SMURF2: variants seen among roughly 807,000 people sequenced by gnomAD.
SMURF2 encodes SMAD specific E3 ubiquitin protein ligase 2, also known as E3 ubiquitin-protein ligase SMURF2.
In SMURF2, 48 loss-of-function variants were observed where a neutral mutation model predicts 109.6. That is an observed-to-expected ratio of 0.44 (90% CI 0.35 to 0.56). The LOEUF is 0.56. Among genes scored for constraint, SMURF2 ranks in the 20% least tolerant of loss-of-function variants. The probability of loss-of-function intolerance (pLI) is 0.01; values close to 1 mark genes in which losing one functional copy is unlikely to be tolerated. For synonymous variants in SMURF2, 288 were observed against 317.1 expected (o/e 0.91, Z 0.97); for missense variants, 575 against 909.0 (o/e 0.63, Z 4.72).
rs376274266 is a variant in SMURF2 at position 64,586,215 on chromosome 17, G to T, written c.401-45C>A. On this transcript the variant is annotated intron_variant, in intron 5 of 18. Coordinates refer to ENST00000262435, the MANE Select transcript of SMURF2 (RefSeq NM_022739.4). ...TTACTAAGATTCATACAACTAGAAA[G>T]AACTATTATAATCTAAAATTTCTAT... 3.9e-3 allele frequency: 5,019 copies of T among 1,286,328 alleles called. 9 individuals are homozygous for T. Among genetic ancestry groups the T allele is most frequent in the Non-Finnish European group, 5.0e-3 (4,563 of 909,636 alleles). 79.7% of individuals were successfully genotyped at this position (1,286,328 alleles called of 1,614,324 possible).
chr17:64,631,437 G>C (rs184977330), intron 1 of SMURF2, among the ~76,000 whole-genome samples: 19 of 152,002 alleles, frequency 1.2e-4, no homozygotes, highest in African/African-American at 4.6e-4. Context: ...GAAGGAAATG[G>C]GCTAAGAAAG....
In SMURF2 at chr17:64,621,508, G is replaced by A. The variant is rs184321567; in HGVS notation, c.53-14868C>T. Among the ~76,000 whole-genome samples, 385 of 149,824 alleles carry A rather than the reference G, an allele frequency of 2.6e-3. 1 individual carries two copies. The highest frequency in any genetic ancestry group is 9.2e-3 in the African/African-American group (374 of 40,632). Reference sequence around the variant, plus strand: ...GGCAGGAGAATCGCTTGAATCCAGGGGGCAGAGGTTGCTGTGAGCCGAGAT... The same window carrying A: ...GGCAGGAGAATCGCTTGAATCCAGGAGGCAGAGGTTGCTGTGAGCCGAGAT... On this transcript the variant is annotated intron_variant, in intron 1 of 18. Coordinates refer to ENST00000262435, the MANE Select transcript of SMURF2 (RefSeq NM_022739.4).
intron 14 of SMURF2, among the ~76,000 whole-genome samples, chr17:64,555,206 G>A (rs1969101511): frequency 6.6e-6 from 1 of 152,158 alleles, no homozygotes; most frequent in South Asian, 2.1e-4. Flanking sequence ...CCTGAGTAAT[G>A]AGAAAGAGCC....
Position 64,562,950 on chromosome 17 carries a change from T to C in SMURF2, c.1033A>G (p.Lys345Glu). 1 of 1,613,500 alleles carries C rather than the reference T, an allele frequency of 6.2e-7. No individual in the cohort carries two copies. Among genetic ancestry groups the C allele is most frequent in the Non-Finnish European group, 8.5e-7 (1 of 1,179,664 alleles). ...ACCACTTGCTGTTGCTGTTGGTCTTTCAATTGGTTCTGCCGACTAGAAGTA... is the reference window on the plus strand; with the variant it reads ...ACCACTTGCTGTTGCTGTTGGTCTTCCAATTGGTTCTGCCGACTAGAAGTA... Reference protein sequence around the residue: ...HLVLNRQNQLKDQQQQQVVSL... With the variant: ...HLVLNRQNQLEDQQQQQVVSL... The change falls in exon 11 of 19, where the codon AAA becomes GAA. Residue 345 changes from lysine to glutamate, a missense_variant. Lys to Glu is a moderately conservative substitution (Grantham distance 56). This residue lies in a region of SMURF2 where 361 missense variants were observed against 612.1 expected (regional missense o/e 0.59). Coordinates refer to ENST00000262435, the MANE Select transcript of SMURF2 (RefSeq NM_022739.4).
At chr17:64,595,226 G>A (rs1361322959) in intron 3 of SMURF2, among the ~76,000 whole-genome samples, 3 of 152,046 alleles carry the variant, frequency 2.0e-5, no homozygotes. Context: ...TAGACCTTCT[G>A]GAAGATAGCC....
intron 1 of SMURF2, among the ~76,000 whole-genome samples, chr17:64,614,183 C>G (rs1234024758): frequency 6.6e-6 from 1 of 152,094 alleles, no homozygotes; most frequent in African/African-American, 2.4e-5. Context: ...CTGGCCTAGA[C>G]AGCAATCAGT....
intron 1 of SMURF2, among the ~76,000 whole-genome samples, chr17:64,623,873 T>C (rs924341555): frequency 6.6e-6 from 1 of 152,224 alleles, no homozygotes; most frequent in Admixed American, 6.5e-5. Flanking sequence ...CAATATTCCT[T>C]GACAAATCTA....
At position 64,618,931 on chromosome 17, in the gene SMURF2, G is replaced by A. The variant is rs148754216; in HGVS notation, c.53-12291C>T. Among the ~76,000 whole-genome samples the A allele has an allele frequency of 3.4e-3, 518 of 152,242 alleles. 1 individual carries two copies. Among genetic ancestry groups the A allele is most frequent in the African/African-American group, 0.012 (497 of 41,528 alleles). On this transcript the variant is annotated intron_variant, in intron 1 of 18. Transcript: ENST00000262435. ...CAGAATGCATGGGTTTGAACCTGGT[G>A]CTATCCCTTATGAACTTGTGACCCT...
Position 64,598,474 on chromosome 17 carries a change from A to G in SMURF2, c.108T>C (p.Phe36=), listed in dbSNP as rs1156692159. The part of the protein sequence containing the change: ...KKDFFRLPDP[F]AKVVVDGSGQ... ...CAGATCCATCAACCACCACCTTAGC[A>G]AATGGATCAGGAAGTCCTGTGAAAA... The change falls in exon 3 of 19, where the codon TTT becomes TTC. Residue 36 remains phenylalanine, a synonymous_variant. Coordinates refer to ENST00000262435, the MANE Select transcript of SMURF2 (RefSeq NM_022739.4). 3 of 1,607,928 alleles carry G rather than the reference A, an allele frequency of 1.9e-6. No homozygotes were observed. The African/African-American group carries it at 4.0e-5, about 21-fold the overall frequency.
intron 3 of SMURF2, among the ~76,000 whole-genome samples, chr17:64,594,577 T>C (rs1969792131): frequency 6.6e-6 from 1 of 152,218 alleles, no homozygotes; most frequent in African/African-American, 2.4e-5. Flanking sequence ...AGTATGCATG[T>C]ACCAATTTTC....
At chr17:64,584,355 T>C (rs1231882730) in intron 6 of SMURF2, among the ~76,000 whole-genome samples, 1 of 143,920 alleles carries the variant, frequency 6.9e-6, no homozygotes, top group Non-Finnish European at 1.5e-5. Context: ...TACTTTCTTT[T>C]TTTTTCTTTT....
At chr17:64,563,403 C>T (rs1969254020) in intron 10 of SMURF2, among the ~76,000 whole-genome samples, 1 of 152,132 alleles carries the variant, frequency 6.6e-6, no homozygotes, top group Admixed American at 6.5e-5. Flanking sequence ...AATATTATAC[C>T]TAAAACATAT....
intron 1 of SMURF2, among the ~76,000 whole-genome samples, chr17:64,621,397 T>C (rs996900847): frequency 1.3e-5 from 2 of 151,354 alleles, no homozygotes; most frequent in South Asian, 4.2e-4. Context: ...CTGGCCGACA[T>C]GGCAAAATCC....
chr17:64,593,217 TAA>T (rs1463526620), intron 4 of SMURF2: 4 of 237,660 alleles, frequency 1.7e-5, no homozygotes, highest in Non-Finnish European at 3.1e-5. Context: ...CTTTTTTTTT[TAA>T]GTCTACAAAA....
chr17:64,583,662 CA>C, intron 6 of SMURF2, 118 bp from the exon 7 acceptor site: 5 of 687,888 alleles, frequency 7.3e-6, no homozygotes, highest in Non-Finnish European at 1.3e-5. Flanking sequence ...AGTATCAATT[CA>C]CAGAATATAT....
Position 64,650,733 on chromosome 17 carries a change from G to A in SMURF2, c.52+11096C>T, listed in dbSNP as rs191699467. The stretch of plus-strand genomic sequence containing the variant: ...TAATCCCAGCTACTGGGGAGGCTGA[G>A]GCAGGAGAATTGCTTGAACCTGAGA... On this transcript the variant is annotated intron_variant, in intron 1 of 18. Transcript: ENST00000262435. Among the ~76,000 whole-genome samples the A allele has an allele frequency of 2.7e-3, 411 of 152,142 alleles. 4 individuals carry two copies. The highest frequency in any genetic ancestry group is 9.5e-3 in the African/African-American group (396 of 41,504).
At chr17:64,613,745 G>GTGTGTGTGT (rs1568195629) in intron 1 of SMURF2, among the ~76,000 whole-genome samples, 1 of 87,492 alleles carries the variant, frequency 1.1e-5, no homozygotes, top group Non-Finnish European at 2.4e-5. Flanking sequence ...TGTGTGTGTG[G>GTGTGTGTGT]AGGGGGGGCA....
At chr17:64,587,765 A>G (rs1385308292) in intron 5 of SMURF2, among the ~76,000 whole-genome samples, 2 of 152,218 alleles carry the variant, frequency 1.3e-5, no homozygotes, top group African/African-American at 4.8e-5. Flanking sequence ...ACATTATATG[A>G]AAACTGTACT....
At chr17:64,631,070 C>T (rs919335718) in intron 1 of SMURF2, among the ~76,000 whole-genome samples, 3 of 151,560 alleles carry the variant, frequency 2.0e-5, no homozygotes, top group South Asian at 4.2e-4. Flanking sequence ...GGGAGGCCAA[C>T]GCAGGAGGAT....
Sources: gnomAD v4.1 joint callset for allele counts (sites outside exome capture counted in the v4.1 genomes callset) on GRCh38, gnomAD v4.1.1 for gene constraint, gnomAD v4.1.1 regional missense constraint, MANE v1.5 for transcripts, NCBI Gene and HGNC (gene_info 2026-07-23, HGNC 2026-07-21) for gene names.